Variants in BHMT2 observed in about 807,000 individuals in gnomAD.
BHMT2 encodes betaine--homocysteine S-methyltransferase 2.
Under a neutral mutation model 39.0 loss-of-function variants are expected in BHMT2, and 28 were observed. The observed-to-expected ratio is 0.72, with a 90% CI of 0.53 to 0.98. The LOEUF (loss-of-function observed/expected upper bound fraction) is 0.98, where lower values mean the gene tolerates loss of function less well. Ranked by LOEUF, BHMT2 falls within the 50% of genes least tolerant of loss-of-function variation. BHMT2 has a pLI of 0.00. For missense variants in BHMT2, 410 were observed against 455.6 expected, an observed-to-expected ratio of 0.90 and a Z score of 0.91; for synonymous variants, 145 against 160.6, an observed-to-expected ratio of 0.90 and a Z score of 0.74.
intron 1 of BHMT2, among the ~76,000 whole-genome samples, chr5:79,070,705 G>A (rs937126053): frequency 1.3e-5 from 2 of 152,070 alleles, no homozygotes; most frequent in African/African-American, 2.4e-5. Flanking sequence ...TGCAATACGG[G>A]ATTCTAAATA....
Position 79,080,709 on chromosome 5 carries a change from C to A in BHMT2, c.281C>A (p.Ala94Asp), listed in dbSNP as rs764785479. 1.9e-6 allele frequency: 3 copies of A among 1,598,026 alleles called. No homozygotes were observed. Among genetic ancestry groups the A allele is most frequent in the African/African-American group, 2.7e-5 (2 of 73,638 alleles). Residue 94 changes from alanine to aspartate, a missense_variant, in exon 4 of 8, where the codon GCC (alanine) becomes GAC (aspartate). Coordinates refer to ENST00000255192, the MANE Select transcript of BHMT2 (RefSeq NM_017614.5). Reference sequence around the variant, plus strand: ...CAGTGGGAAGATGTAAATGCTGCTGCCTGTGACCTCGCCAGGGAAGTGGCT... The same window carrying A: ...CAGTGGGAAGATGTAAATGCTGCTGACTGTGACCTCGCCAGGGAAGTGGCT... ...ESKWEDVNAAACDLAREVAGK... is the reference protein window; with the variant it reads ...ESKWEDVNAADCDLAREVAGK...
chr5:79,082,037 C>T (rs900070996), intron 4 of BHMT2, among the ~76,000 whole-genome samples: 1 of 152,222 alleles, frequency 6.6e-6, no homozygotes, highest in African/African-American at 2.4e-5. Context: ...GATGATGACA[C>T]CACTCTGTTT....
chr5:79,079,572 A>G (rs1328990611), intron 3 of BHMT2, 112 bp downstream of exon 3: 7 of 751,056 alleles, frequency 9.3e-6, no homozygotes, highest in Middle Eastern at 2.4e-4. Context: ...CAAAGTCCAT[A>G]TAAATATGTA....
rs575954285 is a variant in BHMT2, at chr5:79,082,822, T to A, written c.464T>A (p.Val155Asp). The change falls in exon 5 of 8, where the codon GTT (valine) becomes GAT (aspartate). Residue 155 changes from valine to aspartate, a missense_variant. By Grantham distance (152) the Val-to-Asp change is radical. Transcript: ENST00000255192. ...CATTTCTCTTAGTATTTTGAGCACG[T>A]TGAAGAAGCTGTGTGGGCTGTGGAA... The part of the protein sequence containing the change: ...DFLIAEYFEH[V>D]EEAVWAVEVL... The A allele has an allele frequency of 1.3e-5, 21 of 1,613,986 alleles. No individual in the cohort carries two copies. The South Asian group carries it at 2.2e-4, about 17-fold the overall frequency.
Position 79,089,017 on chromosome 5 carries a change from C to CT in BHMT2, c.*450dup, listed in dbSNP as rs1305117327. The CT allele has an allele frequency of 9.8e-5, 15 of 153,162 alleles. No homozygotes were observed. In the East Asian group the frequency reaches 1.9e-3, roughly 20 times the overall value. 9.5% of individuals were successfully genotyped at this position (153,162 alleles called of 1,614,324 possible). On this transcript the variant is annotated 3_prime_UTR_variant, in exon 8 of 8. Coordinates refer to ENST00000255192, the MANE Select transcript of BHMT2 (RefSeq NM_017614.5). ...ACACTAAACTAAAGCAATGAGTCTGCTTTTTTTAATGATTTATACAATGAC... is the reference window on the plus strand; with the variant it reads ...ACACTAAACTAAAGCAATGAGTCTGCTTTTTTTTAATGATTTATACAATGAC...
At position 79,083,309 on chromosome 5, in the gene BHMT2, C is replaced by T; in HGVS notation, c.716C>T (p.Pro239Leu). Residue 239 changes from proline (P) to leucine (L), a missense_variant, in exon 6 of 8, where the codon CCT becomes CTT. By Grantham distance (98) the Pro-to-Leu change is moderately conservative. Transcript: ENST00000255192. ...AGLKAHLMVQ[P>L]LGFHAPDCGK... ...CTGAAAGCGCACCTCATGGTGCAGC[C>T]TCTGGGGTTCCACGCGCCTGACTGT... The T allele has an allele frequency of 6.2e-7, 1 of 1,612,654 alleles. No homozygotes were observed. Among genetic ancestry groups the T allele is most frequent in the Non-Finnish European group, 8.5e-7 (1 of 1,179,118 alleles).
At chr5:79,080,952 G>A (rs896558044) in intron 4 of BHMT2, 74 bp downstream of exon 4, 6 of 1,370,620 alleles carry the variant, frequency 4.4e-6, no homozygotes, top group Non-Finnish European at 5.9e-6. Flanking sequence ...CATTTCATGA[G>A]GGTATTGGAC....
chr5:79,083,750 G>A lies in BHMT2; in HGVS notation c.904G>A (p.Ala302Thr), dbSNP rs767995947. ...TGAGCCCTACCACATCAGGGCAATT[G>A]CAGAGGAGCTGGCCCCAGAAAGGGG... Reference protein sequence around the residue: ...GFEPYHIRAIAEELAPERGFL... With the variant: ...GFEPYHIRAITEELAPERGFL... The change falls in exon 7 of 8, where the codon GCA (alanine) becomes ACA (threonine). Residue 302 changes from alanine to threonine, a missense_variant. Coordinates refer to ENST00000255192, the MANE Select transcript of BHMT2 (RefSeq NM_017614.5). 11 of 1,613,986 alleles carry A rather than the reference G, an allele frequency of 6.8e-6. No individual in the cohort carries two copies. The East Asian group carries it at 2.2e-4, about 33-fold the overall frequency.
intron 1 of BHMT2, among the ~76,000 whole-genome samples, chr5:79,073,500 A>T (rs935091486): frequency 1.3e-5 from 2 of 152,214 alleles, no homozygotes; most frequent in Non-Finnish European, 2.9e-5. Flanking sequence ...CTTGCCCACA[A>T]CTATACCTGA....
intron 1 of BHMT2, among the ~76,000 whole-genome samples, chr5:79,072,325 A>G (rs1268288036): frequency 6.6e-6 from 1 of 152,170 alleles, no homozygotes; most frequent in Admixed American, 6.5e-5. Context: ...GTGGACAAAC[A>G]TCCAGATAAC....
intron 1 of BHMT2, among the ~76,000 whole-genome samples, chr5:79,072,279 G>A (rs1370637992): frequency 1.3e-5 from 2 of 150,714 alleles, no homozygotes; most frequent in East Asian, 3.9e-4. Flanking sequence ...AAAAAAAAAA[G>A]AAAGAAAAGA....
intron 7 of BHMT2, 98 bp from the exon 8 acceptor site, chr5:79,088,395 T>TGTGTGG (rs4020529): frequency 2.1e-5 from 15 of 698,082 alleles, no homozygotes; most frequent in Non-Finnish European, 3.4e-5. Flanking sequence ...TGTGTGTGTG[T>TGTGTGG]GTGGTTATAT....
intron 1 of BHMT2, among the ~76,000 whole-genome samples, chr5:79,071,993 A>G (rs1755588657): frequency 6.6e-6 from 1 of 152,190 alleles, no homozygotes; most frequent in African/African-American, 2.4e-5. Flanking sequence ...TTGGCCGGGC[A>G]CAGTGGCTCA....
intron 7 of BHMT2, among the ~76,000 whole-genome samples, chr5:79,086,643 G>A (rs748301989): frequency 2.0e-5 from 3 of 152,102 alleles, no homozygotes; most frequent in Non-Finnish European, 1.5e-5. Context: ...AAGCATCAAG[G>A]TCAAATGAAT....
chr5:79,087,640 A>G (rs597560), intron 7 of BHMT2, among the ~76,000 whole-genome samples: 80,153 of 151,914 alleles, frequency 0.53, 22,583 homozygotes, highest in Non-Finnish European at 0.61. Flanking sequence ...TGGAAAAAAC[A>G]ATAAAAATAT....
rs367680652 is a variant in BHMT2 at position 79,080,675 on chromosome 5, C to T, written c.259-12C>T. 228 of 1,574,896 alleles carry T rather than the reference C, an allele frequency of 1.4e-4. No homozygotes were observed. The highest frequency in any genetic ancestry group is 1.9e-4 in the Non-Finnish European group (223 of 1,168,428). ...TAGGCTCACTATCTGAACTCTTGCT[C>T]TCTAACCTCAGTGGGAAGATGTAAA... On this transcript the variant is annotated splice_polypyrimidine_tract_variant and intron_variant, in intron 3 of 7. Coordinates refer to ENST00000255192, the MANE Select transcript of BHMT2 (RefSeq NM_017614.5).
chr5:79,071,822 T>TAAAAAAAAAAAAAA (rs60114073), intron 1 of BHMT2, among the ~76,000 whole-genome samples: 1 of 103,576 alleles, frequency 9.7e-6, no homozygotes, highest in African/African-American at 3.5e-5. Context: ...AACTTAAAAG[T>TAAAAAAAAAAAAAA]AAAAAAAAAA....
In BHMT2 at chr5:79,077,679, A is replaced by C. The variant is rs1302145686; in HGVS notation, c.166+67A>C. On this transcript the variant is annotated intron_variant, in intron 2 of 7. Coordinates refer to ENST00000255192, the MANE Select transcript of BHMT2 (RefSeq NM_017614.5). ...TTTATTTAAATCTGATTGAGAGAAG[A>C]TCAAGAAAAAAATAACAACTGTTTC... 10 of 1,537,848 alleles carry C rather than the reference A, an allele frequency of 6.5e-6. No homozygotes were observed. In the East Asian group the frequency reaches 1.8e-4, roughly 28 times the overall value.
At chr5:79,071,199 C>G (rs1486548814) in intron 1 of BHMT2, 2 of 152,210 alleles carry the variant, frequency 1.3e-5, no homozygotes, top group African/African-American at 2.4e-5. Context: ...AATCTCACCT[C>G]TCTCCTCAGC....
Sources: allele counts gnomAD v4.1 joint callset (sites outside exome capture counted in the v4.1 genomes callset), GRCh38; gene constraint gnomAD v4.1.1; transcripts MANE v1.5; gene names NCBI Gene and HGNC (gene_info 2026-07-23, HGNC 2026-07-21).